CPEB3: variants seen among roughly 807,000 people sequenced by gnomAD.
CPEB3 encodes cytoplasmic polyadenylation element-binding protein 3.
CPEB3 carries 20 observed loss-of-function variants against 67.2 expected under a neutral mutation model. The ratio of observed to expected loss-of-function variants is 0.30; its 90% CI spans 0.21 to 0.43. The LOEUF is 0.43. CPEB3 is among the 20% of genes least tolerant of loss of function. The pLI, the probability that CPEB3 is intolerant of heterozygous loss-of-function variation, is 1.00. For synonymous variants in CPEB3, 376 were observed against 393.1 expected (o/e 0.96, Z 0.51); for missense variants, 746 against 968.6 (o/e 0.77, Z 3.05).
chr10:92,072,025 T>C (rs1842772927), intron 9 of CPEB3, among the ~76,000 whole-genome samples: 2 of 152,178 alleles, frequency 1.3e-5, no homozygotes, highest in Non-Finnish European at 2.9e-5. Context: ...CAGTTTTTTA[T>C]AGAAACACCA....
At chr10:92,105,715 GTTT>G (rs999673116) in intron 7 of CPEB3, among the ~76,000 whole-genome samples, 3 of 109,704 alleles carry the variant, frequency 2.7e-5, no homozygotes, top group Middle Eastern at 0.011. Context: ...TGTTTTGTGG[GTTT>G]TTTTTTTTTT....
At chr10:92,083,527 A>C (rs1258418692) in intron 8 of CPEB3, among the ~76,000 whole-genome samples, 1 of 152,260 alleles carries the variant, frequency 6.6e-6, no homozygotes, top group Non-Finnish European at 1.5e-5. Context: ...TACTGCAGTA[A>C]CAGAGATCAA....
In CPEB3 at chr10:92,146,839, T is replaced by C. The variant is rs185422550; in HGVS notation, c.1223-1754A>G. Among the ~76,000 whole-genome samples, 45 of 151,980 alleles carry C rather than the reference T, an allele frequency of 3.0e-4. 1 individual carries two copies. In the East Asian group the frequency reaches 7.8e-3, roughly 26 times the overall value. ...TGATGTTTGTTTTGATCACTGGGGG[T>C]GAAAGAAATAGATTTGCAGCAACTA... On this transcript the variant is annotated intron_variant, in intron 4 of 9. Transcript: ENST00000265997.
intron 4 of CPEB3, among the ~76,000 whole-genome samples, chr10:92,170,368 A>G (rs56094577): frequency 0.015 from 2,255 of 152,350 alleles, 59 homozygotes; most frequent in African/African-American, 0.051. Context: ...TCATCAAAAC[A>G]GAAAAAGATA....
chr10:92,084,728 C>T lies in CPEB3; in HGVS notation c.1688-3227G>A, dbSNP rs910476273. ...CCGAGCAGCTGGGACTACAGGCGCC[C>T]GCCACCACGCCTGGCTAATTTTTTG... On this transcript the variant is annotated intron_variant, in intron 8 of 9. Transcript: ENST00000265997. 4.6e-5 allele frequency among the ~76,000 whole-genome samples: 7 copies of T among 152,130 alleles called. No homozygotes were observed. In the East Asian group the frequency reaches 1.2e-3, roughly 25 times the overall value.
At chr10:92,278,051 T>C (rs1842076263) in intron 1 of CPEB3, among the ~76,000 whole-genome samples, 1 of 151,580 alleles carries the variant, frequency 6.6e-6, no homozygotes, top group Admixed American at 6.6e-5. Context: ...CTGGGCATGG[T>C]GGCGGGTGCC....
intron 2 of CPEB3, among the ~76,000 whole-genome samples, chr10:92,209,736 A>G (rs1003881233): frequency 2.0e-5 from 3 of 151,758 alleles, no homozygotes; most frequent in African/African-American, 7.3e-5. Flanking sequence ...GAGGAGTTCA[A>G]AACCAGCCTG....
intron 6 of CPEB3, 87 bp from the exon 7 acceptor site, chr10:92,111,281 T>C (rs192431236): frequency 6.3e-6 from 6 of 948,186 alleles, no homozygotes; most frequent in Non-Finnish European, 1.0e-5. Flanking sequence ...TTGTTTCATT[T>C]TGGCAAATTC....
intron 2 of CPEB3, among the ~76,000 whole-genome samples, chr10:92,218,588 G>A (rs2134420869): frequency 6.6e-6 from 1 of 152,262 alleles, no homozygotes; most frequent in Non-Finnish European, 1.5e-5. Context: ...TTGAGACATG[G>A]GTCTGTGTTT....
chr10:92,222,808 C>T (rs1850767841), intron 2 of CPEB3, among the ~76,000 whole-genome samples: 1 of 152,158 alleles, frequency 6.6e-6, no homozygotes, highest in Non-Finnish European at 1.5e-5. Flanking sequence ...CAACCTATGA[C>T]TCTACACACC....
At chr10:92,285,643 G>T (rs181912582) in intron 1 of CPEB3, among the ~76,000 whole-genome samples, 1 of 152,094 alleles carries the variant, frequency 6.6e-6, no homozygotes, top group African/African-American at 2.4e-5. Flanking sequence ...CATATTTTCC[G>T]CTTACATAAC....
chr10:92,144,296 G>A (rs1846576012), intron 5 of CPEB3, among the ~76,000 whole-genome samples: 1 of 152,056 alleles, frequency 6.6e-6, no homozygotes, highest in African/African-American at 2.4e-5. Context: ...TTATGAGACA[G>A]GGTCTCACTC....
chr10:92,159,246 G>A (rs1847351400), intron 4 of CPEB3, among the ~76,000 whole-genome samples: 1 of 152,020 alleles, frequency 6.6e-6, no homozygotes, highest in Non-Finnish European at 1.5e-5. Context: ...CTGGGCGACA[G>A]AGCAAGACTC....
chr10:92,204,309 A>T (rs931341608), intron 2 of CPEB3: 2 of 152,202 alleles, frequency 1.3e-5, no homozygotes, highest in Non-Finnish European at 2.9e-5. Context: ...TATCCCCTTG[A>T]TCCTTGAATT....
At chr10:92,202,773 G>A (rs140718447) in intron 2 of CPEB3, among the ~76,000 whole-genome samples, 163 of 151,082 alleles carry the variant, frequency 1.1e-3, no homozygotes, top group East Asian at 8.4e-3. Flanking sequence ...TTCTTTTTGG[G>A]GTGATAAAAA....
intron 2 of CPEB3, chr10:92,216,670 C>T (rs1850417827): frequency 6.2e-7 from 1 of 1,606,386 alleles, no homozygotes; most frequent in Non-Finnish European, 8.5e-7. Context: ...CTAAGACGGA[C>T]CTGGGTGCAG....
At chr10:92,269,388 C>T (rs933370513) in intron 1 of CPEB3, among the ~76,000 whole-genome samples, 1 of 151,804 alleles carries the variant, frequency 6.6e-6, no homozygotes, top group Non-Finnish European at 1.5e-5. Context: ...TATTAAAATA[C>T]TAATTTTTAC....
chr10:92,278,101 C>T (rs1489896167), intron 1 of CPEB3, among the ~76,000 whole-genome samples: 2 of 151,464 alleles, frequency 1.3e-5, no homozygotes, highest in Non-Finnish European at 2.9e-5. Flanking sequence ...CAGAGAACTG[C>T]TTGAACCCAG....
At chr10:92,258,279 T>C (rs934516739) in intron 1 of CPEB3, among the ~76,000 whole-genome samples, 1 of 150,162 alleles carries the variant, frequency 6.7e-6, no homozygotes, top group Non-Finnish European at 1.5e-5. Context: ...TTTGTATTTT[T>C]AGTAGAGACA....
Sources: allele counts gnomAD v4.1 joint callset (sites outside exome capture counted in the v4.1 genomes callset), GRCh38; gene constraint gnomAD v4.1.1; transcripts MANE v1.5; gene names NCBI Gene and HGNC (gene_info 2026-07-23, HGNC 2026-07-21).